Variants in GOLGA7 observed in about 807,000 individuals in gnomAD.
The protein encoded by GOLGA7 is golgin subfamily A member 7.
GOLGA7 carries 10 observed loss-of-function variants against 21.1 expected under a neutral mutation model. The observed-to-expected ratio is 0.47, with a 90% CI of 0.29 to 0.80. GOLGA7 has a LOEUF of 0.80. Ranked by LOEUF, GOLGA7 falls within the 30% of genes least tolerant of loss-of-function variation. GOLGA7 has a pLI of 0.08. For missense variants in GOLGA7, 114 were observed against 166.8 expected, an observed-to-expected ratio of 0.68 and a Z score of 1.74; for synonymous variants, 64 against 62.6, an observed-to-expected ratio of 1.02 and a Z score of -0.10.
intron 1 of GOLGA7, among the ~76,000 whole-genome samples, chr8:41,493,920 A>G (rs1805945523): frequency 6.6e-6 from 1 of 152,242 alleles, no homozygotes; most frequent in South Asian, 2.1e-4. Context: ...AGGTAGTAAG[A>G]TACAAATGCC....
intron 4 of GOLGA7, among the ~76,000 whole-genome samples, chr8:41,507,491 C>G (rs889792544): frequency 1.3e-5 from 2 of 152,052 alleles, no homozygotes; most frequent in Non-Finnish European, 2.9e-5. Context: ...AGATGTCTAC[C>G]TATATGACAA....
chr8:41,509,723 C>T lies in GOLGA7; in HGVS notation c.*155C>T, dbSNP rs1297061467. 1 of 152,646 alleles carries T rather than the reference C, an allele frequency of 6.6e-6. No individual in the cohort carries two copies. Among genetic ancestry groups the T allele is most frequent in the Admixed American group, 6.5e-5 (1 of 15,268 alleles). 9.5% of individuals were successfully genotyped at this position (152,646 alleles called of 1,614,324 possible). On this transcript the variant is annotated 3_prime_UTR_variant, in exon 5 of 5. Transcript: ENST00000357743. ...CTCCAAGGACTCACTTTCTAAAATT[C>T]CACACCTGGAGTGACCTCTAGTCGC...
intron 1 of GOLGA7, among the ~76,000 whole-genome samples, chr8:41,496,654 AT>A (rs767639104): frequency 2.2e-3 from 299 of 133,742 alleles, no homozygotes; most frequent in East Asian, 4.1e-3. Context: ...CTAAAATGCC[AT>A]TTTTTTTTTT....
intron 1 of GOLGA7, among the ~76,000 whole-genome samples, chr8:41,493,035 G>A (rs535878265): frequency 1.3e-5 from 2 of 152,272 alleles, no homozygotes; most frequent in South Asian, 4.1e-4. Flanking sequence ...ACTCTGTATA[G>A]CCCAGAACTG....
intron 1 of GOLGA7, among the ~76,000 whole-genome samples, chr8:41,495,223 A>AAAAAAAT (rs1805980742): frequency 6.6e-6 from 1 of 151,026 alleles, no homozygotes; most frequent in Non-Finnish European, 1.5e-5. Flanking sequence ...AAAAAAAAAA[A>AAAAAAAT]AAAGATTACA....
chr8:41,490,676 AGCT>A lies in GOLGA7; in HGVS notation c.-178_-176del. ...GGGCGCGGGGCCTGGGCCAGGCGGC[AGCT>A]AAGGCCCGCGGTGACAGCATGGGTG... On this transcript the variant is annotated 5_prime_UTR_variant, in exon 1 of 5. Transcript: ENST00000357743. 1.8e-6 allele frequency: 1 copy of A among 546,016 alleles called. No individual in the cohort carries two copies. Among genetic ancestry groups the A allele is most frequent in the South Asian group, 2.3e-5 (1 of 42,702 alleles). The allele number at this position is 546,016 out of a possible 1,614,324, so 33.8% of individuals were successfully genotyped here. A position where few individuals can be genotyped will look rare whatever the true frequency, so the allele number is the denominator to read the frequency against.
chr8:41,505,452 C>G (rs1585605268), intron 2 of GOLGA7, among the ~76,000 whole-genome samples: 2 of 152,286 alleles, frequency 1.3e-5, no homozygotes, highest in East Asian at 3.9e-4. Flanking sequence ...AATTGATGAA[C>G]ATGTACAAAG....
At chr8:41,497,342 G>A (rs955031742) in intron 1 of GOLGA7, among the ~76,000 whole-genome samples, 167 bp from the exon 2 acceptor site, 4 of 151,516 alleles carry the variant, frequency 2.6e-5, no homozygotes, top group Admixed American at 2.0e-4. Flanking sequence ...TTTATAAGAG[G>A]GATAAAATTA....
At chr8:41,508,602 A>G (rs760761795) in intron 4 of GOLGA7, among the ~76,000 whole-genome samples, 1 of 152,202 alleles carries the variant, frequency 6.6e-6, no homozygotes, top group Non-Finnish European at 1.5e-5. Context: ...CCCATTTGTC[A>G]TGACTCATTT....
In GOLGA7 at chr8:41,508,654, T is replaced by C. The variant is rs1402148211; in HGVS notation, c.*16-930T>C. ...TCATGTGTTTTTCTGATGTGTGAGG[T>C]TTGAGCAATTACACACCAGAGGCTA... On this transcript the variant is annotated intron_variant, in intron 4 of 4. Coordinates refer to ENST00000357743, the MANE Select transcript of GOLGA7 (RefSeq NM_001002296.2). Among the ~76,000 whole-genome samples the C allele has an allele frequency of 2.0e-5, 3 of 152,244 alleles. No individual in the cohort carries two copies. The South Asian group carries it at 6.2e-4, about 31-fold the overall frequency.
intron 4 of GOLGA7, among the ~76,000 whole-genome samples, chr8:41,508,034 T>C (rs935831098): frequency 5.3e-5 from 8 of 152,328 alleles, no homozygotes; most frequent in Admixed American, 3.9e-4. Flanking sequence ...CTACAAAGTA[T>C]TTCCCCATTT....
chr8:41,509,238 A>G (rs924812066), intron 4 of GOLGA7, among the ~76,000 whole-genome samples: 4 of 152,192 alleles, frequency 2.6e-5, no homozygotes, highest in Non-Finnish European at 5.9e-5. Context: ...CAACAACCCT[A>G]TGAGGTAGAT....
In GOLGA7 at chr8:41,490,962, C is replaced by T; in HGVS notation, c.108C>T (p.Asn36=). ...CCAAGTTCCCTGCGGAGCTGGAGAA[C>T]CGGGTACGCAACCTGGCTCCCCACG... ...FQTKFPAELE[N]RIDRQQFEET... Residue 36 remains asparagine (N), a synonymous_variant, in exon 1 of 5, where the codon AAC becomes AAT. Transcript: ENST00000357743. The T allele has an allele frequency of 6.5e-7, 1 of 1,538,130 alleles. No homozygotes were observed. Among genetic ancestry groups the T allele is most frequent in the Non-Finnish European group, 8.9e-7 (1 of 1,125,020 alleles).
At chr8:41,496,136 T>A (rs1325047070) in intron 1 of GOLGA7, among the ~76,000 whole-genome samples, 1 of 152,186 alleles carries the variant, frequency 6.6e-6, no homozygotes, top group East Asian at 1.9e-4. Flanking sequence ...TTTTATACAA[T>A]ATTTTAAATG....
At position 41,491,489 on chromosome 8, in the gene GOLGA7, C is replaced by A. The variant is rs569990642; in HGVS notation, c.111+524C>A. Among the ~76,000 whole-genome samples the A allele has an allele frequency of 8.5e-5, 13 of 152,238 alleles. No individual in the cohort carries two copies. The South Asian group carries it at 2.5e-3, about 29-fold the overall frequency. On this transcript the variant is annotated intron_variant, in intron 1 of 4. Transcript: ENST00000357743. ...GGCTTTCTTGGAACCTTAAAGACGT[C>A]GGGCGTTAGATAGGCCTGGACAGGA...
At chr8:41,492,476 A>G (rs1346340987) in intron 1 of GOLGA7, among the ~76,000 whole-genome samples, 1 of 152,238 alleles carries the variant, frequency 6.6e-6, no homozygotes, top group Non-Finnish European at 1.5e-5. Flanking sequence ...AGCTTGGCCA[A>G]CATGGTGAAA....
At chr8:41,499,671 T>C (rs1368819233) in intron 2 of GOLGA7, among the ~76,000 whole-genome samples, 2 of 152,186 alleles carry the variant, frequency 1.3e-5, no homozygotes, top group Admixed American at 6.5e-5. Context: ...CCTCCACTAA[T>C]GTGCACCTCT....
rs564357656 is a variant in GOLGA7, at chr8:41,500,559, G to T, written c.264+2898G>T. ...AGTGCAAGTGGGAAGCTACTCAAAG[G>T]ATTTAATCAAGAGAGTGATGTGATG... On this transcript the variant is annotated intron_variant, in intron 2 of 4. Transcript: ENST00000357743. Among the ~76,000 whole-genome samples, 9 of 152,274 alleles carry T rather than the reference G, an allele frequency of 5.9e-5. No individual in the cohort carries two copies. In the South Asian group the frequency reaches 1.9e-3, roughly 32 times the overall value.
intron 2 of GOLGA7, among the ~76,000 whole-genome samples, chr8:41,505,412 G>A (rs1273662275): frequency 1.3e-5 from 2 of 152,194 alleles, no homozygotes; most frequent in Non-Finnish European, 2.9e-5. Context: ...GCTACCTTTT[G>A]TTATAAGCCC....
Sources: allele counts gnomAD v4.1 joint callset (sites outside exome capture counted in the v4.1 genomes callset), GRCh38; gene constraint gnomAD v4.1.1; transcripts MANE v1.5; gene names NCBI Gene and HGNC (gene_info 2026-07-23, HGNC 2026-07-21).